Variants in GNG10 observed in about 807,000 individuals in gnomAD.
GNG10 encodes the protein G protein subunit gamma 10, also known as guanine nucleotide-binding protein G(I)/G(S)/G(O) subunit gamma-10.
Under a neutral mutation model 6.8 loss-of-function variants are expected in GNG10, and 7 were observed. The ratio of observed to expected loss-of-function variants is 1.02; its 90% CI spans 0.58 to 1.92. GNG10 has a LOEUF of 1.92. Among genes scored for constraint, GNG10 ranks in the 30% most tolerant of loss-of-function variants. The probability of loss-of-function intolerance (pLI) is 0.00; values close to 1 mark genes in which losing one functional copy is unlikely to be tolerated. For synonymous variants in GNG10, 28 were observed against 34.8 expected (o/e 0.80, Z 0.69); for missense variants, 57 against 86.1 (o/e 0.66, Z 1.34).
At chr9:111,666,130 A>G (rs552069661) in intron 1 of GNG10, among the ~76,000 whole-genome samples, 13 of 152,138 alleles carry the variant, frequency 8.5e-5, no homozygotes, top group African/African-American at 3.1e-4. Context: ...TCTACCACAA[A>G]TGTATTGCTA....
Position 111,661,916 on chromosome 9 carries a change from T to TG in GNG10, c.81+207dup, listed in dbSNP as rs1185514166. 6.6e-6 allele frequency among the ~76,000 whole-genome samples: 1 copy of TG among 150,878 alleles called. No homozygotes were observed. The highest frequency in any genetic ancestry group is 2.0e-4 in the East Asian group (1 of 5,094). ...GGGCCTGACGGGAGGAAGCCGCGCC[T>TG]GGGGGGCCCCGCGGTCGTGGTCGGT... On this transcript the variant is annotated intron_variant, in intron 1 of 2. Coordinates refer to ENST00000374293, the MANE Select transcript of GNG10 (RefSeq NM_001017998.4). This position sits in a 1 kb window ranked among gnomAD's most constrained non-coding sequence, Gnocchi z 6.1.
chr9:111,668,920 G>A (rs1316320601), intron 2 of GNG10, among the ~76,000 whole-genome samples: 2 of 151,546 alleles, frequency 1.3e-5, no homozygotes, highest in African/African-American at 2.4e-5. Flanking sequence ...GCAATGGTGC[G>A]ATCTCAGCTC....
chr9:111,663,406 G>A (rs929211824), intron 1 of GNG10, among the ~76,000 whole-genome samples: 1 of 152,156 alleles, frequency 6.6e-6, no homozygotes, highest in African/African-American at 2.4e-5. Context: ...AGGGCAAGGC[G>A]TGTGAAGGTC....
chr9:111,666,970 T>C, intron 2 of GNG10, 24 bp downstream of exon 2: 1 of 1,612,378 alleles, frequency 6.2e-7, no homozygotes, highest in Non-Finnish European at 8.5e-7. Flanking sequence ...CACCATGATG[T>C]CTTGGGCCCA....
chr9:111,662,144 A>T (rs1564090988), intron 1 of GNG10, among the ~76,000 whole-genome samples: 1 of 152,094 alleles, frequency 6.6e-6, no homozygotes, highest in African/African-American at 2.4e-5. Context: ...TCGTCGTGAC[A>T]GGGTGGACGG....
At chr9:111,665,903 T>C (rs931994805) in intron 1 of GNG10, among the ~76,000 whole-genome samples, 1 of 150,154 alleles carries the variant, frequency 6.7e-6, no homozygotes, top group South Asian at 2.1e-4. Context: ...ATTTTTTTTT[T>C]TTTTTTTTTT....
chr9:111,663,108 G>A (rs1276718406), intron 1 of GNG10, among the ~76,000 whole-genome samples: 1 of 152,120 alleles, frequency 6.6e-6, no homozygotes, highest in Non-Finnish European at 1.5e-5. Flanking sequence ...TTCTAGATAT[G>A]GGCTAAACTT....
rs964387 is a variant in GNG10, at chr9:111,663,025, G to A, written c.81+1310G>A. On this transcript the variant is annotated intron_variant, in intron 1 of 2. Coordinates refer to ENST00000374293, the MANE Select transcript of GNG10 (RefSeq NM_001017998.4). Reference sequence around the variant, plus strand: ...TTGCTGGTAGAGGAGACAGGGCTACGGGGGGGTGGGGGATTGGTGGCACAG... The same window carrying A: ...TTGCTGGTAGAGGAGACAGGGCTACAGGGGGGTGGGGGATTGGTGGCACAG... Among the ~76,000 whole-genome samples, 1,351 of 150,422 alleles carry A rather than the reference G, an allele frequency of 9.0e-3. 63 individuals carry two copies. The highest frequency in any genetic ancestry group is 0.076 in the Admixed American group (1,164 of 15,220).
chr9:111,666,798 C>G lies in GNG10; in HGVS notation c.82-17C>G. 1.2e-6 allele frequency: 2 copies of G among 1,610,936 alleles called. No individual in the cohort carries two copies. The highest frequency in any genetic ancestry group is 1.7e-6 in the Non-Finnish European group (2 of 1,178,808). On this transcript the variant is annotated splice_polypyrimidine_tract_variant and intron_variant, in intron 1 of 2. Transcript: ENST00000374293. ...TGGCTGTGAGCAGGGTGCCATGTTG[C>G]TGTCCCTTTGTTTCAGGTCTCTCAG...
At position 111,666,878 on chromosome 9, in the gene GNG10, C is replaced by G; in HGVS notation, c.145C>G (p.Leu49Val). The change falls in exon 2 of 3, where the codon CTG becomes GTG. Residue 49 changes from leucine to valine, a missense_variant. Transcript: ENST00000374293. ...CMQNACKDALLVGVPAGSNPF... is the reference protein window; with the variant it reads ...CMQNACKDALVVGVPAGSNPF... ...GCAGAATGCCTGCAAGGATGCCCTG[C>G]TGGTGGGTGTTCCAGCTGGAAGTAA... is the stretch of plus-strand genomic sequence containing the variant. 6.2e-7 allele frequency: 1 copy of G among 1,613,954 alleles called. No homozygotes were observed. Among genetic ancestry groups the G allele is most frequent in the Non-Finnish European group, 8.5e-7 (1 of 1,179,898 alleles).
chr9:111,666,291 T>C (rs1325628356), intron 1 of GNG10, among the ~76,000 whole-genome samples: 1 of 152,186 alleles, frequency 6.6e-6, no homozygotes, highest in Non-Finnish European at 1.5e-5. Flanking sequence ...ATATAGGTAG[T>C]GGCAGAGCTG....
chr9:111,667,658 G>C (rs768546944), intron 2 of GNG10, among the ~76,000 whole-genome samples: 4 of 152,136 alleles, frequency 2.6e-5, no homozygotes, highest in Non-Finnish European at 4.4e-5. Flanking sequence ...GGAGATGTGT[G>C]CCTACCACCC....
chr9:111,668,706 A>G (rs373461622), intron 2 of GNG10, among the ~76,000 whole-genome samples: 1 of 151,836 alleles, frequency 6.6e-6, no homozygotes, highest in East Asian at 1.9e-4. Context: ...GCTGTTCTCA[A>G]ACTCCTGACC....
intron 1 of GNG10, among the ~76,000 whole-genome samples, chr9:111,662,088 T>C (rs1830830507): frequency 6.6e-6 from 1 of 151,666 alleles, no homozygotes; most frequent in Non-Finnish European, 1.5e-5. Flanking sequence ...GATGGATTGG[T>C]AGGATGAGAG....
At chr9:111,663,294 C>T (rs1453441446) in intron 1 of GNG10, among the ~76,000 whole-genome samples, 4 of 151,768 alleles carry the variant, frequency 2.6e-5, no homozygotes, top group African/African-American at 9.7e-5. Flanking sequence ...TTTCCTGCAG[C>T]AATCTTTACC....
At position 111,661,730 on chromosome 9, in the gene GNG10, T is replaced by C; in HGVS notation, c.81+15T>C. 1 of 1,297,374 alleles carries C rather than the reference T, an allele frequency of 7.7e-7. No individual in the cohort carries two copies. Among genetic ancestry groups the C allele is most frequent in the Non-Finnish European group, 1.0e-6 (1 of 992,748 alleles). 80.4% of individuals were successfully genotyped at this position (1,297,374 alleles called of 1,614,324 possible). A position where few individuals can be genotyped will look rare whatever the true frequency, so the allele number is the denominator to read the frequency against. On this transcript the variant is annotated intron_variant, in intron 1 of 2. Coordinates refer to ENST00000374293, the MANE Select transcript of GNG10 (RefSeq NM_001017998.4). This position sits in a 1 kb window ranked among gnomAD's most constrained non-coding sequence, Gnocchi z 6.1. ...AGAGGATCAAGGTGCGGGCCCCGGG[T>C]ACCCACGCTCCGGTCCTTCCGCCCG...
Position 111,661,703 on chromosome 9 carries a change from G to A in GNG10, c.69G>A (p.Val23=). The A allele has an allele frequency of 7.3e-7, 1 of 1,377,266 alleles. No homozygotes were observed. The highest frequency in any genetic ancestry group is 1.5e-5 in the South Asian group (1 of 67,584). 85.3% of individuals were successfully genotyped at this position (1,377,266 alleles called of 1,614,324 possible). A position where few individuals can be genotyped will look rare whatever the true frequency, so the allele number is the denominator to read the frequency against. Residue 23 remains valine (V), a synonymous_variant, in exon 1 of 3, where the codon GTG becomes GTA. Transcript: ENST00000374293. The surrounding 1 kb of genome is among the most constrained non-coding windows in gnomAD (Gnocchi z 6.1). Reference sequence around the variant, plus strand: ...AGCAGCTCAAGTTGGAGGCTGGCGTGGAGAGGATCAAGGTGCGGGCCCCGG... The same window carrying A: ...AGCAGCTCAAGTTGGAGGCTGGCGTAGAGAGGATCAAGGTGCGGGCCCCGG... The part of the protein sequence containing the change: ...LVEQLKLEAG[V]ERIKVSQAAA...
intron 1 of GNG10, among the ~76,000 whole-genome samples, chr9:111,662,949 A>G (rs1236770624): frequency 6.6e-6 from 1 of 152,140 alleles, no homozygotes; most frequent in Non-Finnish European, 1.5e-5. Context: ...GGTTGAGAGG[A>G]AGTAACAAAT....
At position 111,661,895 on chromosome 9, in the gene GNG10, C is replaced by A. The variant is rs1416812514; in HGVS notation, c.81+180C>A. The stretch of plus-strand genomic sequence containing the variant: ...CGCGGGGCAAGCCGGGGGCCCGGGC[C>A]TGACGGGAGGAAGCCGCGCCTGGGG... On this transcript the variant is annotated intron_variant, in intron 1 of 2. Coordinates refer to ENST00000374293, the MANE Select transcript of GNG10 (RefSeq NM_001017998.4). The surrounding 1 kb of genome is among the most constrained non-coding windows in gnomAD (Gnocchi z 6.1). Among the ~76,000 whole-genome samples the A allele has an allele frequency of 6.6e-6, 1 of 151,190 alleles. No homozygotes were observed. Among genetic ancestry groups the A allele is most frequent in the African/African-American group, 2.4e-5 (1 of 41,264 alleles).
Sources: gnomAD v4.1 joint callset for allele counts (sites outside exome capture counted in the v4.1 genomes callset) on GRCh38, gnomAD v4.1.1 for gene constraint, Gnocchi (gnomAD v3.1) non-coding constraint, MANE v1.5 for transcripts, NCBI Gene and HGNC (gene_info 2026-07-23, HGNC 2026-07-21) for gene names.